Variants in CSMD1 observed in about 807,000 individuals in gnomAD.
The protein encoded by CSMD1 is CUB and Sushi multiple domains 1.
In CSMD1, 213 loss-of-function variants were observed where a neutral mutation model predicts 417.5. The observed-to-expected ratio is 0.51, with a 90% CI of 0.46 to 0.57. The LOEUF (loss-of-function observed/expected upper bound fraction) is 0.57, where lower values mean the gene tolerates loss of function less well. Among genes scored for constraint, CSMD1 ranks in the 20% least tolerant of loss-of-function variants. The pLI, the probability that CSMD1 is intolerant of heterozygous loss-of-function variation, is 0.00. For missense variants in CSMD1, 6,923 were observed against 4,529.7 expected (o/e 1.53, Z -15.17); for synonymous variants, 2,862 against 1,736.8 (o/e 1.65, Z -16.11).
At position 4,687,690 on chromosome 8, in the gene CSMD1, C is replaced by G. The variant is rs184846342; in HGVS notation, c.86-50132G>C. On this transcript the variant is annotated intron_variant, in intron 1 of 69. Transcript: ENST00000635120. ...TGAGCTGCCGCTGTTTTTGATCTTT[C>G]AAGATAGCTAAACAGAAAGAGTCAC... is the stretch of plus-strand genomic sequence containing the variant. 7.2e-5 allele frequency among the ~76,000 whole-genome samples: 11 copies of G among 152,292 alleles called. No individual in the cohort carries two copies. The Middle Eastern group carries it at 0.02, about 283-fold the overall frequency.
chr8:4,184,909 G>A (rs1469414544), intron 3 of CSMD1, among the ~76,000 whole-genome samples: 1 of 149,728 alleles, frequency 6.7e-6, no homozygotes, highest in Admixed American at 6.6e-5. Flanking sequence ...ACCAGCCTCT[G>A]GGTGGATCAC....
intron 3 of CSMD1, among the ~76,000 whole-genome samples, chr8:4,280,344 T>A (rs1454404212): frequency 6.6e-6 from 1 of 152,172 alleles, no homozygotes. Flanking sequence ...TCTGAAAAAA[T>A]AATTTCTAAT....
intron 2 of CSMD1, among the ~76,000 whole-genome samples, chr8:4,635,673 C>G (rs1371494983): frequency 6.6e-6 from 1 of 151,894 alleles, no homozygotes; most frequent in Admixed American, 6.6e-5. Context: ...TTTTTATTAC[C>G]ATTATAATAC....
chr8:4,235,029 G>C (rs970789354), intron 3 of CSMD1, among the ~76,000 whole-genome samples: 10 of 152,172 alleles, frequency 6.6e-5, no homozygotes, highest in South Asian at 2.1e-4. Flanking sequence ...TGGGAGTTAA[G>C]TCTTCAACAT....
chr8:4,876,555 A>T (rs190330137), intron 1 of CSMD1, among the ~76,000 whole-genome samples: 2 of 152,060 alleles, frequency 1.3e-5, no homozygotes, highest in Admixed American at 1.3e-4. Flanking sequence ...TGCTTTCTCA[A>T]TTTTCACCGT....
intron 2 of CSMD1, among the ~76,000 whole-genome samples, chr8:4,449,346 C>T (rs1197272843): frequency 6.6e-6 from 1 of 152,132 alleles, no homozygotes; most frequent in Non-Finnish European, 1.5e-5. Flanking sequence ...TTTTAAGCCT[C>T]CCCCTCTCTT....
chr8:4,174,672 A>G (rs1007608766), intron 3 of CSMD1, among the ~76,000 whole-genome samples: 2 of 128,016 alleles, frequency 1.6e-5, no homozygotes, highest in African/African-American at 6.0e-5. Flanking sequence ...GACCCATGCT[A>G]ACATGCTCAA....
At chr8:3,483,180 T>C (rs1045474222) in intron 11 of CSMD1, among the ~76,000 whole-genome samples, 2 of 151,988 alleles carry the variant, frequency 1.3e-5, no homozygotes, top group East Asian at 3.9e-4. Flanking sequence ...GAAACAAATA[T>C]TCTCTTTCAA....
chr8:3,507,237 T>G (rs1796865452), intron 10 of CSMD1, among the ~76,000 whole-genome samples: 1 of 152,204 alleles, frequency 6.6e-6, no homozygotes. Context: ...ATACAATATT[T>G]TTTTTGTAGA....
chr8:3,349,796 TATAA>T (rs1323204071), intron 21 of CSMD1, among the ~76,000 whole-genome samples: 5 of 91,764 alleles, frequency 5.4e-5, no homozygotes, highest in Admixed American at 1.5e-4. Flanking sequence ...TAAATATATC[TATAA>T]ATAGATATAA....
At chr8:4,509,519 T>A (rs1271971620) in intron 2 of CSMD1, among the ~76,000 whole-genome samples, 2 of 152,134 alleles carry the variant, frequency 1.3e-5, no homozygotes, top group African/African-American at 4.8e-5. Context: ...TGCTACCTCC[T>A]GTAATAGAGA....
At chr8:3,477,725 G>A (rs150771197) in intron 11 of CSMD1, among the ~76,000 whole-genome samples, 15 of 152,288 alleles carry the variant, frequency 9.8e-5, no homozygotes, top group Non-Finnish European at 2.2e-4. Context: ...GGCCATATTT[G>A]CACTCTTGGG....
rs75282185 is a variant in CSMD1 at position 3,986,469 on chromosome 8, C to T, written c.818+11434G>A. Among the ~76,000 whole-genome samples, 1,285 of 152,244 alleles carry T rather than the reference C, an allele frequency of 8.4e-3. 18 individuals are homozygous for T. Among genetic ancestry groups the T allele is most frequent in the African/African-American group, 0.028 (1,164 of 41,532 alleles). On this transcript the variant is annotated intron_variant, in intron 5 of 69. Transcript: ENST00000635120. The stretch of plus-strand genomic sequence containing the variant: ...TATCAGGGTATAGCCATGTGCAAAG[C>T]CGAGCAACTGACTTCCCTGGCTACC...
intron 3 of CSMD1, among the ~76,000 whole-genome samples, chr8:4,284,225 G>C (rs1343805640): frequency 3.3e-5 from 5 of 151,896 alleles, no homozygotes; most frequent in East Asian, 1.9e-4. Flanking sequence ...AAAATTAGCT[G>C]GGCGTGGTGG....
chr8:4,706,860 C>A (rs1334620178), intron 1 of CSMD1, among the ~76,000 whole-genome samples: 1 of 152,176 alleles, frequency 6.6e-6, no homozygotes. Context: ...AAACTTCTTA[C>A]AAGTAGCAAG....
At chr8:4,804,047 G>GT (rs1798452387) in intron 1 of CSMD1, among the ~76,000 whole-genome samples, 1 of 152,106 alleles carries the variant, frequency 6.6e-6, no homozygotes, top group Non-Finnish European at 1.5e-5. Context: ...CAACAAAACA[G>GT]TATTAGGGGT....
At chr8:3,107,875 T>C in intron 44 of CSMD1, 77 bp from the exon 45 acceptor site, 1 of 930,132 alleles carries the variant, frequency 1.1e-6, no homozygotes, top group Non-Finnish European at 1.7e-6. Context: ...AAAACATTCA[T>C]CTTGCAGTTG....
intron 7 of CSMD1, among the ~76,000 whole-genome samples, chr8:3,673,232 T>A (rs1286208429): frequency 6.6e-6 from 1 of 152,176 alleles, no homozygotes; most frequent in Non-Finnish European, 1.5e-5. Context: ...CAATAAACAT[T>A]TCCAAATTCG....
chr8:4,104,163 G>C (rs751657523), intron 3 of CSMD1, among the ~76,000 whole-genome samples: 12 of 152,204 alleles, frequency 7.9e-5, no homozygotes, highest in African/African-American at 2.7e-4. Context: ...TACTGTCCTT[G>C]ATTTTCACTG....
Sources: allele counts gnomAD v4.1 joint callset (sites outside exome capture counted in the v4.1 genomes callset), GRCh38; gene constraint gnomAD v4.1.1; transcripts MANE v1.5; gene names NCBI Gene and HGNC (gene_info 2026-07-23, HGNC 2026-07-21).